The following SLC25A27 variants were observed in gnomAD, a reference collection of about 807,000 sequenced individuals.
The protein encoded by SLC25A27 is solute carrier family 25 member 27, also known as mitochondrial uncoupling protein 4.
SLC25A27 carries 35 observed loss-of-function variants against 49.1 expected under a neutral mutation model. That is an observed-to-expected ratio of 0.71 (90% CI 0.54 to 0.95). The LOEUF (loss-of-function observed/expected upper bound fraction) is 0.95. SLC25A27 is among the 40% of genes least tolerant of loss of function. The probability of loss-of-function intolerance (pLI) is 0.00; values close to 1 mark genes in which losing one functional copy is unlikely to be tolerated. For missense variants in SLC25A27, 339 were observed against 397.1 expected (o/e 0.85, Z 1.24); for synonymous variants, 144 against 136.9 (o/e 1.05, Z -0.36).
At chr6:46,664,739 A>AT in intron 4 of SLC25A27, 35 bp from the exon 5 acceptor site, 10 of 1,218,904 alleles carry the variant, frequency 8.2e-6, no homozygotes, top group Non-Finnish European at 1.2e-5. Context: ...ACAGGAATAC[A>AT]TGGAGTTTTC....
intron 1 of SLC25A27, among the ~76,000 whole-genome samples, chr6:46,655,307 A>G (rs1762935380): frequency 6.6e-6 from 1 of 152,188 alleles, no homozygotes; most frequent in Admixed American, 6.5e-5. Flanking sequence ...TATAGAGTTC[A>G]GCTTCATCTA....
In SLC25A27 at chr6:46,653,175, G is replaced by T; in HGVS notation, c.-18G>T. ...CAGCGGCGAGAAGGAGTGCGTTATC[G>T]TCTTGCGCTACTGCTGAATGTCCGT... is the stretch of plus-strand genomic sequence containing the variant. On this transcript the variant is annotated 5_prime_UTR_variant, in exon 1 of 9. Coordinates refer to ENST00000371347, the MANE Select transcript of SLC25A27 (RefSeq NM_004277.5). 1.9e-6 allele frequency: 3 copies of T among 1,608,034 alleles called. No individual in the cohort carries two copies. The highest frequency in any genetic ancestry group is 1.7e-6 in the Non-Finnish European group (2 of 1,175,892).
intron 1 of SLC25A27, among the ~76,000 whole-genome samples, chr6:46,655,535 GTTTTTTTTTTTTTTTTTTTTTTTTT>G (rs773585919): frequency 9.3e-5 from 1 of 10,710 alleles, no homozygotes; most frequent in Admixed American, 1.3e-3. Flanking sequence ...GTTAATGTTT[GTTTTTTTTTTTTTTTTTTTTTTTTT>G]TTTTTTTTTT....
chr6:46,675,962 A>G (rs1298449383), intron 8 of SLC25A27, among the ~76,000 whole-genome samples: 1 of 152,168 alleles, frequency 6.6e-6, no homozygotes, highest in Non-Finnish European at 1.5e-5. Flanking sequence ...TTTATGCTCC[A>G]TATACAAACT....
chr6:46,662,311 A>G, intron 3 of SLC25A27, 65 bp from the exon 4 acceptor site: 1 of 1,442,720 alleles, frequency 6.9e-7, no homozygotes, highest in African/African-American at 1.4e-5. Context: ...CCAGCTCAGT[A>G]TTGGTTCACT....
At position 46,655,531 on chromosome 6, in the gene SLC25A27, G is replaced by GTTTTTTT. The variant is rs1283936753; in HGVS notation, c.107-309_107-308insTTTTTTT. ...TGTCATTTTAATTTTTATTGTTAATGTTTGTTTTTTTTTTTTTTTTTTTTT... is the reference window on the plus strand; with the variant it reads ...TGTCATTTTAATTTTTATTGTTAATGTTTTTTTTTTGTTTTTTTTTTTTTTTTTTTTT... On this transcript the variant is annotated intron_variant, in intron 1 of 8. Transcript: ENST00000371347. 9.1e-5 allele frequency among the ~76,000 whole-genome samples: 9 copies of GTTTTTTT among 98,546 alleles called. 1 individual carries two copies. Among genetic ancestry groups the GTTTTTTT allele is most frequent in the Non-Finnish European group, 1.1e-4 (5 of 46,344 alleles). 64.7% of individuals were successfully genotyped at this position (98,546 alleles called of 152,430 possible). A position where few individuals can be genotyped will look rare whatever the true frequency, so the allele number is the denominator to read the frequency against.
intron 8 of SLC25A27, among the ~76,000 whole-genome samples, chr6:46,673,431 C>A (rs1313810655): frequency 3.3e-5 from 5 of 152,202 alleles, no homozygotes; most frequent in African/African-American, 4.8e-5. Flanking sequence ...TGTATTCTTG[C>A]TTTACCAGTG....
At position 46,676,629 on chromosome 6, in the gene SLC25A27, CCT is replaced by C. The variant is rs1763802394; in HGVS notation, c.*178_*179del. 6.4e-7 allele frequency: 1 copy of C among 1,551,338 alleles called. No homozygotes were observed. The highest frequency in any genetic ancestry group is 2.0e-5 in the Admixed American group (1 of 51,020). On this transcript the variant is annotated 3_prime_UTR_variant, in exon 9 of 9. Coordinates refer to ENST00000371347, the MANE Select transcript of SLC25A27 (RefSeq NM_004277.5). Reference sequence around the variant, plus strand: ...CTGGAAACCCAAGTTCTCTTTGACTCCTCTTTTTGTCCAAAAGTGATCTGGTC... The same window carrying C: ...CTGGAAACCCAAGTTCTCTTTGACTCCTTTTTGTCCAAAAGTGATCTGGTC...
intron 3 of SLC25A27, among the ~76,000 whole-genome samples, chr6:46,660,373 G>A (rs1763126220): frequency 6.6e-6 from 1 of 151,942 alleles, no homozygotes; most frequent in Admixed American, 6.6e-5. Context: ...AATAATCAGG[G>A]AAATTAATTA....
chr6:46,653,322 C>T, intron 1 of SLC25A27, 24 bp downstream of exon 1: 1 of 1,598,174 alleles, frequency 6.3e-7, no homozygotes, highest in East Asian at 2.3e-5. Context: ...CACGCCTGGG[C>T]CTCCCGGGCC....
chr6:46,664,665 C>T, intron 4 of SLC25A27, 109 bp from the exon 5 acceptor site: 3 of 500,370 alleles, frequency 6.0e-6, no homozygotes, highest in Non-Finnish European at 7.0e-6. Context: ...TAAATTATAT[C>T]TGGATGTTAT....
At chr6:46,665,530 C>T (rs1486351563) in intron 5 of SLC25A27, among the ~76,000 whole-genome samples, 1 of 151,906 alleles carries the variant, frequency 6.6e-6, no homozygotes, top group Non-Finnish European at 1.5e-5. Context: ...CTAAAAAATA[C>T]AAAAAATTAG....
chr6:46,670,341 A>C (rs1189328142), intron 7 of SLC25A27, 114 bp downstream of exon 7: 18 of 723,580 alleles, frequency 2.5e-5, no homozygotes, highest in Admixed American at 1.3e-4. Context: ...GTTTTTTGAG[A>C]AAATTGAGCG....
intron 8 of SLC25A27, among the ~76,000 whole-genome samples, chr6:46,673,792 C>T (rs1361869862): frequency 2.6e-5 from 4 of 152,030 alleles, no homozygotes; most frequent in South Asian, 4.2e-4. Flanking sequence ...TGCTTAAGCC[C>T]GGGAACAATG....
intron 5 of SLC25A27, 47 bp downstream of exon 5, chr6:46,664,933 A>G (rs777214919): frequency 5.5e-6 from 5 of 905,100 alleles, no homozygotes; most frequent in Admixed American, 5.0e-5. Context: ...TTGCCTTAAT[A>G]GCTGTAAGCA....
At chr6:46,660,118 C>T (rs1305954987) in intron 3 of SLC25A27, among the ~76,000 whole-genome samples, 1 of 152,026 alleles carries the variant, frequency 6.6e-6, no homozygotes, top group Non-Finnish European at 1.5e-5. Flanking sequence ...AATATCTGGC[C>T]TGTGTCTTCA....
rs548294942 is a variant in SLC25A27, at chr6:46,663,590, T to C, written c.506+1092T>C. Among the ~76,000 whole-genome samples, 5 of 152,324 alleles carry C rather than the reference T, an allele frequency of 3.3e-5. No individual in the cohort carries two copies. The South Asian group carries it at 1.0e-3, about 32-fold the overall frequency. ...TGGATAGGAGGAGAAAACTGGTTAT[T>C]AGGATCCAGAATATCTGAGTTTTTA... On this transcript the variant is annotated intron_variant, in intron 4 of 8. Transcript: ENST00000371347.
At chr6:46,671,900 G>T (rs1318594770) in intron 8 of SLC25A27, among the ~76,000 whole-genome samples, 1 of 151,648 alleles carries the variant, frequency 6.6e-6, no homozygotes, top group Admixed American at 6.6e-5. Context: ...AAGAATAGGT[G>T]AGTTATAGGT....
intron 1 of SLC25A27, 70 bp downstream of exon 1, chr6:46,653,368 C>A (rs1762831046): frequency 1.3e-6 from 2 of 1,504,230 alleles, no homozygotes; most frequent in Non-Finnish European, 1.8e-6. Flanking sequence ...GGTGCGCGGG[C>A]GGCTTCGCGC....
Sources: allele counts gnomAD v4.1 joint callset (sites outside exome capture counted in the v4.1 genomes callset), GRCh38; gene constraint gnomAD v4.1.1; transcripts MANE v1.5; gene names NCBI Gene and HGNC (gene_info 2026-07-23, HGNC 2026-07-21).